Variants in MGAT5B observed in about 807,000 individuals in gnomAD.
The protein encoded by MGAT5B is alpha-1,6-mannosylglycoprotein 6-beta-N-acetylglucosaminyltransferase B, also known as N-acetylglucosaminyl-transferase Vb.
Under a neutral mutation model 95.1 loss-of-function variants are expected in MGAT5B, and 54 were observed. The observed-to-expected ratio is 0.57, with a 90% confidence interval of 0.46 to 0.71. MGAT5B has a LOEUF of 0.71. MGAT5B is among the 30% of genes least tolerant of loss of function. The pLI is 0.00. For missense variants in MGAT5B, 935 were observed against 1,088.6 expected, an observed-to-expected ratio of 0.86 and a Z score of 1.99; for synonymous variants, 464 against 451.0, an observed-to-expected ratio of 1.03 and a Z score of -0.36.
rs768175679 is a variant in MGAT5B at position 76,902,559 on chromosome 17, C to G, written c.334C>G (p.Pro112Ala). Reference protein sequence around the residue: ...GDLHFPADRMPPGAGLMERIQ... With the variant: ...GDLHFPADRMAPGAGLMERIQ... Reference sequence around the variant, plus strand: ...CCTCTGGCTTTTCCCACTTAGGATGCCCCCTGGGGCCGGCCTCATGGAGCG... The same window carrying G: ...CCTCTGGCTTTTCCCACTTAGGATGGCCCCTGGGGCCGGCCTCATGGAGCG... The change falls in exon 4 of 18, where the codon CCC becomes GCC. Residue 112 changes from proline to alanine, a missense_variant. This residue lies in a region of MGAT5B where 243 missense variants were observed against 228.2 expected (regional missense o/e 1.06). Coordinates refer to ENST00000569840, the MANE Select transcript of MGAT5B (RefSeq NM_001199172.2). 1.5e-5 allele frequency: 24 copies of G among 1,583,910 alleles called. No individual in the cohort carries two copies. The highest frequency in any genetic ancestry group is 2.3e-5 in the East Asian group (1 of 43,066).
chr17:76,935,291 AACTCAGGGAGTCTTG>A (rs1355174621), intron 12 of MGAT5B, among the ~76,000 whole-genome samples: 2 of 152,226 alleles, frequency 1.3e-5, no homozygotes, highest in African/African-American at 4.8e-5. Flanking sequence ...TTGTGAAGCC[AACTCAGGGAGTCTTG>A]ACTAGCCTTT....
At chr17:76,933,749 A>C (rs1969568453) in intron 12 of MGAT5B, among the ~76,000 whole-genome samples, 2 of 152,184 alleles carry the variant, frequency 1.3e-5, no homozygotes, top group Admixed American at 6.5e-5. Context: ...GGGAAACCCC[A>C]AAATAATCGT....
chr17:76,873,057 C>A, intron 2 of MGAT5B, 94 bp downstream of exon 2: 1 of 1,385,004 alleles, frequency 7.2e-7, no homozygotes, highest in Admixed American at 1.9e-5. Flanking sequence ...ACCTGGCTTT[C>A]TGGCCGCCCT....
chr17:76,902,477 T>C, intron 3 of MGAT5B, 78 bp from the exon 4 acceptor site: 1 of 1,059,696 alleles, frequency 9.4e-7, no homozygotes, highest in Non-Finnish European at 1.4e-6. Flanking sequence ...CCTTTGCCTG[T>C]GGGCCTTACT....
At chr17:76,872,713 G>A (rs974658482) in intron 1 of MGAT5B, 138 bp from the exon 2 acceptor site, 9 of 1,554,480 alleles carry the variant, frequency 5.8e-6, no homozygotes, top group Non-Finnish European at 7.0e-6. Context: ...CTGGAGCTCA[G>A]CCCCCATCCT....
intron 12 of MGAT5B, among the ~76,000 whole-genome samples, chr17:76,933,601 A>T (rs1281901165): frequency 6.6e-6 from 1 of 152,084 alleles, no homozygotes; most frequent in Non-Finnish European, 1.5e-5. Flanking sequence ...TACATCAAGC[A>T]GGTGGCATGA....
At chr17:76,924,741 C>A (rs9893479) in intron 8 of MGAT5B, among the ~76,000 whole-genome samples, 13,004 of 152,262 alleles carry the variant, frequency 0.085, 702 homozygotes, top group Middle Eastern at 0.13. Context: ...AGGCTGGGTG[C>A]ACGGGAGCCC....
At chr17:76,877,560 A>G (rs1255787176) in intron 2 of MGAT5B, among the ~76,000 whole-genome samples, 1 of 151,896 alleles carries the variant, frequency 6.6e-6, no homozygotes, top group East Asian at 1.9e-4. Flanking sequence ...GGCTTGATGG[A>G]TGGGGGACCG....
At chr17:76,897,662 T>C (rs74687914) in intron 3 of MGAT5B, among the ~76,000 whole-genome samples, 2,025 of 38,382 alleles carry the variant, frequency 0.053, 40 homozygotes, top group South Asian at 0.15. Context: ...GTAAGGCCAC[T>C]TTCTTTCTTT....
At position 76,938,799 on chromosome 17, in the gene MGAT5B, C is replaced by T. The variant is rs371258520; in HGVS notation, c.1584+656C>T. Among the ~76,000 whole-genome samples the T allele has an allele frequency of 6.6e-6, 1 of 152,314 alleles. No individual in the cohort carries two copies. Among genetic ancestry groups the T allele is most frequent in the South Asian group, 2.1e-4 (1 of 4,828 alleles). Reference sequence around the variant, plus strand: ...GCTCACACAGTCCCCTCACCTCCACCTCCCGAGTAGCTGGGACTATTGGCA... The same window carrying T: ...GCTCACACAGTCCCCTCACCTCCACTTCCCGAGTAGCTGGGACTATTGGCA... On this transcript the variant is annotated intron_variant, in intron 13 of 17. Transcript: ENST00000569840. This position sits in a 1 kb window ranked among gnomAD's most constrained non-coding sequence, Gnocchi z 4.3.
intron 8 of MGAT5B, among the ~76,000 whole-genome samples, chr17:76,921,852 C>G: frequency 6.6e-6 from 1 of 152,206 alleles, no homozygotes. Flanking sequence ...CTCAGCCTCT[C>G]TGTTTCCTAA....
chr17:76,901,943 G>A (rs1282501690), intron 3 of MGAT5B, among the ~76,000 whole-genome samples: 1 of 152,286 alleles, frequency 6.6e-6, no homozygotes, highest in African/African-American at 2.4e-5. Context: ...GGACATGCCT[G>A]ACACGTGCAG....
intron 17 of MGAT5B, among the ~76,000 whole-genome samples, 188 bp downstream of exon 17, chr17:76,948,274 T>C (rs1286133257): frequency 1.3e-5 from 2 of 152,136 alleles, no homozygotes; most frequent in Admixed American, 1.3e-4. Context: ...GCTGCCCTAC[T>C]CTTGGCCAAA....
chr17:76,880,710 C>T (rs1444387744), intron 2 of MGAT5B, among the ~76,000 whole-genome samples: 3 of 152,190 alleles, frequency 2.0e-5, no homozygotes, highest in Non-Finnish European at 4.4e-5. Flanking sequence ...GCCCCAGTCC[C>T]CTTGCCCCTC....
chr17:76,910,846 C>G (rs912528402), intron 8 of MGAT5B, among the ~76,000 whole-genome samples: 1 of 152,232 alleles, frequency 6.6e-6, no homozygotes, highest in African/African-American at 2.4e-5. Context: ...AATGAACGAT[C>G]TGGCTCAGAC....
intron 10 of MGAT5B, among the ~76,000 whole-genome samples, chr17:76,932,094 C>G (rs1021200753): frequency 7.7e-6 from 1 of 129,568 alleles, no homozygotes; most frequent in Non-Finnish European, 1.7e-5. Flanking sequence ...CTCCCCCCCC[C>G]CTTCTTCGTC....
chr17:76,876,686 T>G (rs369727060), intron 2 of MGAT5B, among the ~76,000 whole-genome samples: 189 of 152,336 alleles, frequency 1.2e-3, no homozygotes, highest in Middle Eastern at 6.8e-3. Flanking sequence ...CCTCTGTGCC[T>G]GTTTATACTT....
At chr17:76,885,292 C>T (rs1210209075) in intron 3 of MGAT5B, among the ~76,000 whole-genome samples, 2 of 152,198 alleles carry the variant, frequency 1.3e-5, no homozygotes, top group African/African-American at 2.4e-5. Context: ...CCCTCAGATC[C>T]AGTCCTTTGC....
Position 76,870,880 on chromosome 17 carries a change from G to A in MGAT5B, c.68+1783G>A, listed in dbSNP as rs1186905844. The stretch of plus-strand genomic sequence containing the variant: ...TAGGTGCCCCTGGAATGTTGCTTGA[G>A]TGGATACATGGATGGCTGAAGCCAT... On this transcript the variant is annotated intron_variant, in intron 1 of 17. Transcript: ENST00000569840. This position sits in a 1 kb window ranked among gnomAD's most constrained non-coding sequence, Gnocchi z 5.0. Among the ~76,000 whole-genome samples the A allele has an allele frequency of 1.3e-5, 2 of 152,166 alleles. No individual in the cohort carries two copies. Among genetic ancestry groups the A allele is most frequent in the Non-Finnish European group, 2.9e-5 (2 of 68,026 alleles).
Sources: allele counts gnomAD v4.1 joint callset (sites outside exome capture counted in the v4.1 genomes callset), GRCh38; gene constraint gnomAD v4.1.1; regional missense constraint gnomAD v4.1.1; non-coding constraint Gnocchi (gnomAD v3.1); transcripts MANE v1.5; gene names NCBI Gene and HGNC (gene_info 2026-07-23, HGNC 2026-07-21).